The following PMVK variants were observed in gnomAD, a reference collection of about 807,000 sequenced individuals.
PMVK encodes testis tissue sperm-binding protein Li 95mP.
PMVK carries 10 observed loss-of-function variants against 19.0 expected under a neutral mutation model. That is an observed-to-expected ratio of 0.53 (90% CI 0.32 to 0.89). PMVK has a LOEUF of 0.89. Among genes scored for constraint, PMVK ranks in the 40% least tolerant of loss-of-function variants. PMVK has a pLI of 0.03. For synonymous variants in PMVK, 108 were observed against 101.6 expected, an observed-to-expected ratio of 1.06 and a Z score of -0.38; for missense variants, 222 against 251.1, an observed-to-expected ratio of 0.88 and a Z score of 0.78.
In PMVK at chr1:154,932,411, C is replaced by T. The variant is rs748774936; in HGVS notation, c.100G>A (p.Gly34Arg). The T allele has an allele frequency of 3.5e-5, 56 of 1,610,038 alleles. No individual in the cohort carries two copies. The East Asian group carries it at 1.2e-3, about 34-fold the overall frequency. Residue 34 changes from glycine (G) to arginine (R), a missense_variant, in exon 2 of 5, where the codon GGA becomes AGA. Gly to Arg is a moderately radical substitution (Grantham distance 125). Transcript: ENST00000368467. The part of the protein sequence containing the change: ...FVTEALQSRL[G>R]ADVCAVLRLS... ...CGGAGGACAGCACAGACATCAGCTC[C>T]AAGTCTGCAGGACAGGGAGATCAGA... is the stretch of plus-strand genomic sequence containing the variant.
chr1:154,940,013 G>A (rs931718556), upstream of PMVK, among the ~76,000 whole-genome samples: 3 of 151,694 alleles, frequency 2.0e-5, no homozygotes, highest in African/African-American at 7.3e-5. Context: ...CTGGCCTCAA[G>A]CCAACCTCCC....
In PMVK at chr1:154,936,616, A is replaced by T; in HGVS notation, c.70T>A (p.Phe24Ile). Residue 24 changes from phenylalanine to isoleucine, a missense_variant, in exon 1 of 5, where the codon TTC becomes ATC. Coordinates refer to ENST00000368467, the MANE Select transcript of PMVK (RefSeq NM_006556.4). ...FSGKRKSGKD[F>I]VTEALQSRLG... ...CTGCTCTGCAGCGCCTCGGTCACGA[A>T]GTCCTTCCCGGATTTCCTCTTGCCG... 1 of 1,608,516 alleles carries T rather than the reference A, an allele frequency of 6.2e-7. No individual in the cohort carries two copies. Among genetic ancestry groups the T allele is most frequent in the Non-Finnish European group, 8.5e-7 (1 of 1,177,766 alleles).
chr1:154,942,262 C>A, the PMVK span, among the ~76,000 whole-genome samples: 1 of 152,226 alleles, frequency 6.6e-6, no homozygotes, highest in African/African-American at 2.4e-5. Context: ...GTGGTGAAAT[C>A]CAGTGAGTCT....
chr1:154,933,101 C>A (rs1571383629), intron 1 of PMVK, among the ~76,000 whole-genome samples: 1 of 151,832 alleles, frequency 6.6e-6, no homozygotes, highest in Non-Finnish European at 1.5e-5. Flanking sequence ...AGAGTGAGAC[C>A]CTGTCTCATA....
At chr1:154,936,019 C>T (rs553708255) in intron 1 of PMVK, among the ~76,000 whole-genome samples, 6 of 152,202 alleles carry the variant, frequency 3.9e-5, no homozygotes, top group Non-Finnish European at 8.8e-5. Flanking sequence ...GCCTCAGTTT[C>T]TTCACCTGTG....
At chr1:154,936,145 A>G (rs771009371) in intron 1 of PMVK, among the ~76,000 whole-genome samples, 24 of 152,080 alleles carry the variant, frequency 1.6e-4, no homozygotes, top group Non-Finnish European at 3.1e-4. Flanking sequence ...TGCAGTGGCC[A>G]ATCTCGCCTC....
chr1:154,936,496 C>G, intron 1 of PMVK, 95 bp downstream of exon 1: 7 of 1,519,776 alleles, frequency 4.6e-6, no homozygotes, highest in Non-Finnish European at 6.2e-6. Context: ...ACGGACGACC[C>G]GTACTCCAAA....
chr1:154,934,251 G>A lies in PMVK; in HGVS notation c.96-1836C>T, dbSNP rs376819904. Among the ~76,000 whole-genome samples the A allele has an allele frequency of 2.0e-4, 30 of 152,144 alleles. No homozygotes were observed. The South Asian group carries it at 5.6e-3, about 28-fold the overall frequency. On this transcript the variant is annotated intron_variant, in intron 1 of 4. Coordinates refer to ENST00000368467, the MANE Select transcript of PMVK (RefSeq NM_006556.4). ...TGAGCTCAAGTGATCCACCCTTCTCGGCCTCTCAAAGTGCTAGGATTACAG... is the reference window on the plus strand; with the variant it reads ...TGAGCTCAAGTGATCCACCCTTCTCAGCCTCTCAAAGTGCTAGGATTACAG...
intron 4 of PMVK, 59 bp downstream of exon 4, chr1:154,926,295 G>C: frequency 1.3e-6 from 2 of 1,554,504 alleles, no homozygotes; most frequent in Non-Finnish European, 1.8e-6. Context: ...CTGCCCGGTA[G>C]ACAAACCACA....
chr1:154,926,840 A>G (rs1169106235), intron 3 of PMVK, among the ~76,000 whole-genome samples: 1 of 152,190 alleles, frequency 6.6e-6, no homozygotes, highest in African/African-American at 2.4e-5. Context: ...GAGACACTGA[A>G]CAAGTATTCA....
chr1:154,940,597 A>G (rs953512649), upstream of PMVK, among the ~76,000 whole-genome samples: 4 of 152,204 alleles, frequency 2.6e-5, no homozygotes, highest in Admixed American at 2.0e-4. Context: ...CCATTCTCCC[A>G]TCTCTGAAAT....
rs552426574 is a variant in PMVK, at chr1:154,932,815, C to T, written c.96-400G>A. On this transcript the variant is annotated intron_variant, in intron 1 of 4. Coordinates refer to ENST00000368467, the MANE Select transcript of PMVK (RefSeq NM_006556.4). Reference sequence around the variant, plus strand: ...CCATAACATATATCATTTATTAATTCACTGGTTGGGCATGGTGGCTCACAC... The same window carrying T: ...CCATAACATATATCATTTATTAATTTACTGGTTGGGCATGGTGGCTCACAC... Among the ~76,000 whole-genome samples, 4 of 152,312 alleles carry T rather than the reference C, an allele frequency of 2.6e-5. No individual in the cohort carries two copies. The East Asian group carries it at 7.7e-4, about 29-fold the overall frequency.
upstream of PMVK, among the ~76,000 whole-genome samples, chr1:154,938,251 G>A (rs1316609252): frequency 2.6e-5 from 4 of 152,124 alleles, no homozygotes; most frequent in African/African-American, 9.7e-5. Flanking sequence ...CCCAATGCAC[G>A]CCCCTTACCT....
chr1:154,936,027 G>C (rs1053184303), intron 1 of PMVK, among the ~76,000 whole-genome samples: 16 of 152,188 alleles, frequency 1.1e-4, no homozygotes, highest in African/African-American at 3.6e-4. Flanking sequence ...TTCTTCACCT[G>C]TGAAATGGAG....
At chr1:154,927,533 G>A (rs1188156545) in intron 3 of PMVK, among the ~76,000 whole-genome samples, 1 of 149,574 alleles carries the variant, frequency 6.7e-6, no homozygotes, top group Non-Finnish European at 1.5e-5. Context: ...CCCCACAGCA[G>A]CTATGGCCAG....
chr1:154,932,399 A>C lies in PMVK; in HGVS notation c.112T>G (p.Cys38Gly), dbSNP rs755753301. The C allele has an allele frequency of 6.2e-7, 1 of 1,612,366 alleles. No individual in the cohort carries two copies. The highest frequency in any genetic ancestry group is 1.7e-5 in the Admixed American group (1 of 59,844). ...GGACCAGAGAGCCGGAGGACAGCAC[A>C]GACATCAGCTCCAAGTCTGCAGGAC... ...ALQSRLGADV[C>G]AVLRLSGPLK... The change falls in exon 2 of 5, where the codon TGT becomes GGT. Residue 38 changes from cysteine to glycine, a missense_variant. Physicochemically the swap from Cys to Gly is radical, Grantham distance 159. Coordinates refer to ENST00000368467, the MANE Select transcript of PMVK (RefSeq NM_006556.4).
intron 1 of PMVK, among the ~76,000 whole-genome samples, chr1:154,935,342 C>T (rs1043101596): frequency 2.6e-5 from 4 of 152,124 alleles, no homozygotes; most frequent in Non-Finnish European, 5.9e-5. Flanking sequence ...AAAGCAGCTT[C>T]CTGGTACCCC....
chr1:154,924,825 T>C lies in PMVK; in HGVS notation c.*304A>G. The stretch of plus-strand genomic sequence containing the variant: ...AGGGGCTGAGAACATCCAGTCAGGA[T>C]GCAAGGCCACCACAGGCTGAGGGGA... On this transcript the variant is annotated 3_prime_UTR_variant, in exon 5 of 5. Transcript: ENST00000368467. 2.7e-6 allele frequency: 1 copy of C among 374,326 alleles called. No homozygotes were observed. Among genetic ancestry groups the C allele is most frequent in the Non-Finnish European group, 5.0e-6 (1 of 199,114 alleles). The allele number at this position is 374,326 out of a possible 1,614,324, so 23.2% of individuals were successfully genotyped here.
chr1:154,931,568 T>C (rs547443335), intron 2 of PMVK, among the ~76,000 whole-genome samples: 2 of 152,206 alleles, frequency 1.3e-5, no homozygotes, highest in South Asian at 2.1e-4. Flanking sequence ...AACCTGTCTT[T>C]CCCATGCAGT....
Sources: gnomAD v4.1 joint callset for allele counts (sites outside exome capture counted in the v4.1 genomes callset) on GRCh38, gnomAD v4.1.1 for gene constraint, MANE v1.5 for transcripts, NCBI Gene and HGNC (gene_info 2026-07-23, HGNC 2026-07-21) for gene names.